Variants in MMEL1 observed in about 807,000 individuals in gnomAD.
The protein encoded by MMEL1 is membrane metallo-endopeptidase-like 1.
Under a neutral mutation model 117.1 loss-of-function variants are expected in MMEL1, and 98 were observed. The ratio of observed to expected loss-of-function variants is 0.84; its 90% CI spans 0.71 to 0.99. MMEL1 has a LOEUF of 0.99. Ranked by LOEUF, MMEL1 falls within the 50% of genes least tolerant of loss-of-function variation. MMEL1 has a pLI of 0.00. For synonymous variants in MMEL1, 390 were observed against 415.1 expected, an observed-to-expected ratio of 0.94 and a Z score of 0.74; for missense variants, 1,014 against 1,049.1, an observed-to-expected ratio of 0.97 and a Z score of 0.46.
intron 7 of MMEL1, 141 bp from the exon 8 acceptor site, chr1:2,606,507 G>C: frequency 1.6e-6 from 1 of 633,348 alleles, no homozygotes; most frequent in African/African-American, 1.8e-5. Flanking sequence ...AGGGGCTGGG[G>C]GATGTGGGAG....
In MMEL1 at chr1:2,609,403, C is replaced by T. The variant is rs769735692; in HGVS notation, c.471G>A (p.Ser157=). The T allele has an allele frequency of 1.3e-5, 21 of 1,611,236 alleles. No homozygotes were observed. Among genetic ancestry groups the T allele is most frequent in the East Asian group, 6.7e-5 (3 of 44,830 alleles). ...CCACAGCCGGCCGGTCCTTGGCAGTCGAATTCTCCAGCACCGCTGTGGGCA... is the reference window on the plus strand; with the variant it reads ...CCACAGCCGGCCGGTCCTTGGCAGTTGAATTCTCCAGCACCGCTGTGGGCA... ...EVILKAVLEN[S]TAKDRPAVEK... is the part of the protein sequence containing the mutation. The change falls in exon 6 of 24, where the codon TCG becomes TCA. Residue 157 remains serine (S), a synonymous_variant. Transcript: ENST00000378412.
At chr1:2,591,440 C>T in intron 23 of MMEL1, 117 bp downstream of exon 23, 1 of 843,608 alleles carries the variant, frequency 1.2e-6, no homozygotes, top group South Asian at 1.4e-5. Context: ...CAGGTTTATT[C>T]CCAAAATAAA....
rs2100968524 is a variant in MMEL1 at position 2,628,434 on chromosome 1, C to G, written c.154+897G>C. Among the ~76,000 whole-genome samples, 3 of 152,374 alleles carry G rather than the reference C, an allele frequency of 2.0e-5. No homozygotes were observed. The South Asian group carries it at 6.2e-4, about 32-fold the overall frequency. Reference sequence around the variant, plus strand: ...TTCTAGTAACACAGGCTGAGGCGCCCCATTGTTGGACCTGGGGTGCGAGGT... The same window carrying G: ...TTCTAGTAACACAGGCTGAGGCGCCGCATTGTTGGACCTGGGGTGCGAGGT... On this transcript the variant is annotated intron_variant, in intron 2 of 23. Transcript: ENST00000378412.
At chr1:2,618,649 C>T (rs376912066) in intron 2 of MMEL1, among the ~76,000 whole-genome samples, 7 of 152,072 alleles carry the variant, frequency 4.6e-5, no homozygotes, top group East Asian at 3.9e-4. Context: ...AAACCTCTCG[C>T]GGAGAAGCCA....
At chr1:2,608,906 C>CACATAT (rs61132608) in intron 6 of MMEL1, among the ~76,000 whole-genome samples, 98,498 of 151,744 alleles carry the variant, frequency 0.65, 33,153 homozygotes, top group African/African-American at 0.85. Context: ...CATGCATGAA[C>CACATAT]ACATATATAC....
Position 2,595,974 on chromosome 1 carries a change from A to C in MMEL1, c.1500+35T>G, listed in dbSNP as rs1446211013. The C allele has an allele frequency of 3.2e-6, 5 of 1,570,742 alleles. No individual in the cohort carries two copies. Among genetic ancestry groups the C allele is most frequent in the Non-Finnish European group, 4.4e-6 (5 of 1,141,558 alleles). On this transcript the variant is annotated intron_variant, in intron 15 of 23. Transcript: ENST00000378412. The surrounding 1 kb of genome is among the most constrained non-coding windows in gnomAD (Gnocchi z 4.8). ...GGCGGTGCTGCCCGTGCCCAGATCC[A>C]GTCGGGGCTGCCCTGACCTCTGCGA...
chr1:2,619,122 G>A (rs1570703735), intron 2 of MMEL1, among the ~76,000 whole-genome samples: 1 of 152,108 alleles, frequency 6.6e-6, no homozygotes, highest in South Asian at 2.1e-4. Flanking sequence ...CTGTCCTTTT[G>A]GATTTCTTTC....
intron 2 of MMEL1, among the ~76,000 whole-genome samples, chr1:2,617,143 C>T (rs184582902): frequency 3.3e-5 from 5 of 152,114 alleles, no homozygotes; most frequent in East Asian, 3.9e-4. Flanking sequence ...ATTAGTCAGG[C>T]GTGGCCAGGC....
chr1:2,609,904 C>T, intron 4 of MMEL1, 73 bp from the exon 5 acceptor site: 5 of 1,509,006 alleles, frequency 3.3e-6, no homozygotes, highest in Non-Finnish European at 4.5e-6. Context: ...AAGCCTGTCT[C>T]CCGGTCCAAG....
intron 8 of MMEL1, among the ~76,000 whole-genome samples, chr1:2,606,043 C>A (rs1424673909): frequency 6.6e-6 from 1 of 152,144 alleles, no homozygotes; most frequent in East Asian, 1.9e-4. Context: ...CTACTGTGGC[C>A]CCCAGCTTGG....
intron 1 of MMEL1, among the ~76,000 whole-genome samples, chr1:2,630,955 G>A (rs572250845): frequency 5.9e-5 from 9 of 151,542 alleles, no homozygotes; most frequent in South Asian, 2.1e-4. Flanking sequence ...ACGTGTGTGC[G>A]TGTACGCTCG....
intron 2 of MMEL1, among the ~76,000 whole-genome samples, chr1:2,625,603 T>C (rs1195331622): frequency 6.6e-6 from 1 of 152,202 alleles, no homozygotes; most frequent in African/African-American, 2.4e-5. Context: ...TTAACTGCTC[T>C]CCTTTTGAGA....
At chr1:2,621,478 C>A (rs1385928373) in intron 2 of MMEL1, among the ~76,000 whole-genome samples, 1 of 152,216 alleles carries the variant, frequency 6.6e-6, no homozygotes, top group African/African-American at 2.4e-5. Context: ...ATAAACTCTT[C>A]CAGCCAACTG....
intron 2 of MMEL1, among the ~76,000 whole-genome samples, chr1:2,623,907 A>G (rs910997627): frequency 5.9e-5 from 9 of 152,214 alleles, no homozygotes; most frequent in African/African-American, 2.2e-4. Flanking sequence ...TAGGAGGGTC[A>G]GGAGTAAAAA....
At chr1:2,624,111 C>T (rs1402061740) in intron 2 of MMEL1, among the ~76,000 whole-genome samples, 1 of 152,190 alleles carries the variant, frequency 6.6e-6, no homozygotes, top group Non-Finnish European at 1.5e-5. Context: ...AAGCCTGAGA[C>T]TGGGCCACGA....
intron 23 of MMEL1, 177 bp downstream of exon 23, chr1:2,591,380 C>T (rs1644700601): frequency 1.6e-6 from 1 of 626,318 alleles, no homozygotes; most frequent in Non-Finnish European, 2.8e-6. Flanking sequence ...CTTAAATGCC[C>T]TTAGTCTGTA....
chr1:2,629,253 G>C, intron 2 of MMEL1, 78 bp downstream of exon 2: 2 of 1,416,966 alleles, frequency 1.4e-6, no homozygotes, highest in Non-Finnish European at 1.9e-6. Flanking sequence ...GGGGGCAGGC[G>C]GACCCTGCAG....
chr1:2,605,633 C>T lies in MMEL1; in HGVS notation c.751-10G>A, dbSNP rs4074787. On this transcript the variant is annotated splice_polypyrimidine_tract_variant and intron_variant, in intron 8 of 23. Transcript: ENST00000378412. ...AGGTGGGCTGGTCTATCTGGAAATA[C>T]AGAAGGTGTGACCCTGGGCAAGGGG... 72,421 of 1,610,364 alleles carry T rather than the reference C, an allele frequency of 0.045. 1,996 individuals carry two copies. The highest frequency in any genetic ancestry group is 0.059 in the South Asian group (5,334 of 90,936).
intron 6 of MMEL1, among the ~76,000 whole-genome samples, chr1:2,608,180 C>T (rs1424113954): frequency 6.6e-6 from 1 of 152,090 alleles, no homozygotes; most frequent in Non-Finnish European, 1.5e-5. Flanking sequence ...CACGGAGACG[C>T]CCCCTAAAGC....
Sources: allele counts gnomAD v4.1 joint callset (sites outside exome capture counted in the v4.1 genomes callset), GRCh38; gene constraint gnomAD v4.1.1; non-coding constraint Gnocchi (gnomAD v3.1); transcripts MANE v1.5; gene names NCBI Gene and HGNC (gene_info 2026-07-23, HGNC 2026-07-21).